Variants in NKAIN2 observed in about 807,000 individuals in gnomAD.
NKAIN2 encodes the protein sodium/potassium transporting ATPase interacting 2, also known as sodium/potassium-transporting ATPase subunit beta-1-interacting protein 2.
A neutral mutation model predicts 32.6 loss-of-function variants in NKAIN2; 14 were observed. The observed-to-expected ratio is 0.43, with a 90% CI of 0.28 to 0.67. NKAIN2 has a LOEUF of 0.67. Ranked by LOEUF, NKAIN2 falls within the 30% of genes least tolerant of loss-of-function variation. The pLI is 0.17. For synonymous variants in NKAIN2, 80 were observed against 87.2 expected (o/e 0.92, Z 0.46); for missense variants, 198 against 258.3 (o/e 0.77, Z 1.60).
In NKAIN2 at chr6:124,633,911, G is replaced by T. The variant is rs115606808; in HGVS notation, c.274-24275G>T. 2.1e-3 allele frequency among the ~76,000 whole-genome samples: 322 copies of T among 151,966 alleles called. 2 individuals are homozygous for T. Among genetic ancestry groups the T allele is most frequent in the African/African-American group, 7.4e-3 (306 of 41,440 alleles). On this transcript the variant is annotated intron_variant, in intron 3 of 6. Coordinates refer to ENST00000368417, the MANE Select transcript of NKAIN2 (RefSeq NM_001040214.3). ...CTTGAGAGCCAGCTTTTTCAGCAAC[G>T]CTTCCCCAGCAAAGATATGCCACAG...
rs141844423 is a variant in NKAIN2, at chr6:124,339,579, A to G, written c.193-15688A>G. ...CCCTCTCTGCTCTATCCTCATCATC[A>G]ATTTCTTTTTGTGTGTGAAATAGGC... On this transcript the variant is annotated intron_variant, in intron 2 of 6. Transcript: ENST00000368417. 9.2e-3 allele frequency among the ~76,000 whole-genome samples: 1,407 copies of G among 152,124 alleles called. 23 individuals are homozygous for G. Among genetic ancestry groups the G allele is most frequent in the African/African-American group, 0.032 (1,335 of 41,522 alleles).
At chr6:124,762,786 C>G (rs1419403482) in intron 4 of NKAIN2, among the ~76,000 whole-genome samples, 1 of 152,092 alleles carries the variant, frequency 6.6e-6, no homozygotes, top group Non-Finnish European at 1.5e-5. Context: ...ATTGATCTGG[C>G]TGGAATGTTG....
At chr6:124,658,961 A>T (rs73772199) in intron 4 of NKAIN2, 230 of 58,964 alleles carry the variant, frequency 3.9e-3, no homozygotes, top group South Asian at 5.8e-3. Flanking sequence ...GTAACAATAA[A>T]AAAAAAAAAA....
intron 1 of NKAIN2, among the ~76,000 whole-genome samples, chr6:124,264,287 C>T (rs1015778205): frequency 3.2e-4 from 49 of 152,136 alleles, no homozygotes; most frequent in African/African-American, 1.2e-3. Context: ...TGCCTCACCT[C>T]AGCAACCACT....
At chr6:123,960,468 A>G (rs1489340114) in intron 1 of NKAIN2, among the ~76,000 whole-genome samples, 1 of 151,980 alleles carries the variant, frequency 6.6e-6, no homozygotes, top group African/African-American at 2.4e-5. Context: ...TTCTTTTTCC[A>G]TGTGCTGTCA....
rs1191917770 is a variant in NKAIN2 at position 124,044,172 on chromosome 6, C to CTA, written c.55-238833_55-238832insTA. 2.6e-5 allele frequency among the ~76,000 whole-genome samples: 4 copies of CTA among 152,116 alleles called. No individual in the cohort carries two copies. The East Asian group carries it at 7.8e-4, about 30-fold the overall frequency. On this transcript the variant is annotated intron_variant, in intron 1 of 6. Coordinates refer to ENST00000368417, the MANE Select transcript of NKAIN2 (RefSeq NM_001040214.3). Reference sequence around the variant, plus strand: ...ATAATCTCTAGGACTTCTCCACTCACCATTATTATGTAGTAGGATTTTATA... The same window carrying CTA: ...ATAATCTCTAGGACTTCTCCACTCACTACATTATTATGTAGTAGGATTTTATA...
intron 1 of NKAIN2, among the ~76,000 whole-genome samples, chr6:123,886,547 A>G (rs1773722409): frequency 6.6e-6 from 1 of 152,154 alleles, no homozygotes; most frequent in Non-Finnish European, 1.5e-5. Context: ...AATTTCCTAC[A>G]ACAAGCATGT....
intron 2 of NKAIN2, among the ~76,000 whole-genome samples, chr6:124,347,203 A>C (rs1297584843): frequency 3.9e-5 from 6 of 152,170 alleles, no homozygotes; most frequent in Non-Finnish European, 8.8e-5. Context: ...CTGAGAGATC[A>C]GCTGTTAGTC....
chr6:124,518,114 T>C (rs918285015), intron 3 of NKAIN2, among the ~76,000 whole-genome samples: 1 of 152,004 alleles, frequency 6.6e-6, no homozygotes. Flanking sequence ...GCTAAGATTT[T>C]TTAAAAAAAG....
Position 124,318,534 on chromosome 6 carries a change from T to G in NKAIN2, c.192+35392T>G, listed in dbSNP as rs543384733. 5.3e-5 allele frequency among the ~76,000 whole-genome samples: 8 copies of G among 152,182 alleles called. No homozygotes were observed. In the South Asian group the frequency reaches 1.0e-3, roughly 20 times the overall value. The stretch of plus-strand genomic sequence containing the variant: ...CCCTGGAAAAATATCTTAGCTTTAT[T>G]ATGTATCCCTCTTCTATCATTTAAC... On this transcript the variant is annotated intron_variant, in intron 2 of 6. Coordinates refer to ENST00000368417, the MANE Select transcript of NKAIN2 (RefSeq NM_001040214.3).
intron 1 of NKAIN2, among the ~76,000 whole-genome samples, chr6:123,868,090 G>C (rs750777192): frequency 4.6e-5 from 7 of 152,026 alleles, no homozygotes; most frequent in Non-Finnish European, 7.4e-5. Flanking sequence ...GGATGGTCTT[G>C]ATCTCCTGAC....
At chr6:124,657,456 T>A (rs1784581301) in intron 3 of NKAIN2, among the ~76,000 whole-genome samples, 1 of 152,206 alleles carries the variant, frequency 6.6e-6, no homozygotes, top group Non-Finnish European at 1.5e-5. Flanking sequence ...ATTCTACTTT[T>A]ATTCCATTTA....
intron 3 of NKAIN2, among the ~76,000 whole-genome samples, chr6:124,509,493 C>A (rs1778627510): frequency 6.6e-6 from 1 of 152,142 alleles, no homozygotes; most frequent in Non-Finnish European, 1.5e-5. Context: ...ATTTTTCCTG[C>A]AGTTTATCTT....
intron 1 of NKAIN2, among the ~76,000 whole-genome samples, chr6:124,169,924 G>A (rs373462960): frequency 2.9e-4 from 44 of 152,240 alleles, no homozygotes; most frequent in African/African-American, 9.9e-4. Context: ...AGCTTGGGCC[G>A]AGGCCTAAGT....
chr6:123,918,995 GTC>G (rs146945631), intron 1 of NKAIN2, among the ~76,000 whole-genome samples: 12 of 150,486 alleles, frequency 8.0e-5, no homozygotes, highest in African/African-American at 2.0e-4. Context: ...CTGTCTCTCT[GTC>G]TCTCTCTCTC....
At chr6:124,496,825 G>T (rs1220068447) in intron 3 of NKAIN2, among the ~76,000 whole-genome samples, 1 of 152,028 alleles carries the variant, frequency 6.6e-6, no homozygotes, top group African/African-American at 2.4e-5. Flanking sequence ...GAAAAGATAG[G>T]GTTTAGACTT....
chr6:124,138,372 A>G (rs1027534763), intron 1 of NKAIN2, among the ~76,000 whole-genome samples: 12 of 152,140 alleles, frequency 7.9e-5, no homozygotes, highest in African/African-American at 2.7e-4. Context: ...AGTGTGGAAC[A>G]CTTCTACACT....
intron 3 of NKAIN2, among the ~76,000 whole-genome samples, chr6:124,609,513 A>G (rs971820730): frequency 1.3e-5 from 2 of 152,120 alleles, no homozygotes; most frequent in African/African-American, 4.8e-5. Context: ...TGGGAAATTT[A>G]AAAAAGTATC....
At chr6:124,177,394 T>C (rs1372717063) in intron 1 of NKAIN2, among the ~76,000 whole-genome samples, 1 of 152,178 alleles carries the variant, frequency 6.6e-6, no homozygotes, top group Admixed American at 6.5e-5. Flanking sequence ...ACTTCTGGTA[T>C]AATCCTGTGA....
Sources: gnomAD v4.1 joint callset for allele counts (sites outside exome capture counted in the v4.1 genomes callset) on GRCh38, gnomAD v4.1.1 for gene constraint, MANE v1.5 for transcripts, NCBI Gene and HGNC (gene_info 2026-07-23, HGNC 2026-07-21) for gene names.